Variants in HS6ST1 observed in about 807,000 individuals in gnomAD.
HS6ST1 encodes heparan sulfate 6-O-sulfotransferase 1.
In HS6ST1, 3 loss-of-function variants were observed where a neutral mutation model predicts 25.2. That is an observed-to-expected ratio of 0.12 (90% confidence interval 0.05 to 0.31). HS6ST1 has a LOEUF of 0.31. HS6ST1 is among the 10% of genes least tolerant of loss of function. HS6ST1 has a pLI of 1.00. For synonymous variants in HS6ST1, 204 were observed against 275.1 expected, an observed-to-expected ratio of 0.74 and a Z score of 2.56; for missense variants, 310 against 609.6, an observed-to-expected ratio of 0.51 and a Z score of 5.18.
In HS6ST1 at chr2:128,317,887, CG is replaced by C. The variant is rs965005292; in HGVS notation, c.527+149del. On this transcript the variant is annotated intron_variant, in intron 1 of 1. Coordinates refer to ENST00000259241, the MANE Select transcript of HS6ST1 (RefSeq NM_004807.3). ...AGAGGAGCTGGGAGCCTCGGGCGCT[CG>C]GCAGGTCGGGAGGGGTGCCGGCGAG... 1.5e-4 allele frequency: 140 copies of C among 917,410 alleles called. No individual in the cohort carries two copies. In the African/African-American group the frequency reaches 2.3e-3, roughly 15 times the overall value. 56.8% of individuals were successfully genotyped at this position (917,410 alleles called of 1,614,324 possible). A position where few individuals can be genotyped will look rare whatever the true frequency, so the allele number is the denominator to read the frequency against.
chr2:128,272,986 A>T (rs908215926), intron 1 of HS6ST1, among the ~76,000 whole-genome samples: 1 of 152,172 alleles, frequency 6.6e-6, no homozygotes, highest in African/African-American at 2.4e-5. Context: ...GAAAGCCCTC[A>T]TGGTCCCTGG....
chr2:128,286,268 A>C (rs143485584), intron 1 of HS6ST1, among the ~76,000 whole-genome samples: 1 of 152,312 alleles, frequency 6.6e-6, no homozygotes, highest in Non-Finnish European at 1.5e-5. Flanking sequence ...CCCAGGGGGA[A>C]TCTATCGTGG....
intron 1 of HS6ST1, among the ~76,000 whole-genome samples, chr2:128,296,379 A>G (rs1371347419): frequency 6.6e-6 from 1 of 152,242 alleles, no homozygotes; most frequent in Non-Finnish European, 1.5e-5. Context: ...GGTAAGAAAA[A>G]TAAGTAAAAG....
At chr2:128,311,825 G>A (rs1000598360) in intron 1 of HS6ST1, among the ~76,000 whole-genome samples, 8 of 152,222 alleles carry the variant, frequency 5.3e-5, no homozygotes, top group Non-Finnish European at 8.8e-5. Context: ...TCCCTGGGCC[G>A]GTGGTGGCAT....
chr2:128,276,667 AG>A lies in HS6ST1; in HGVS notation c.528-7798del, dbSNP rs1188346857. 2.0e-5 allele frequency among the ~76,000 whole-genome samples: 3 copies of A among 152,312 alleles called. No homozygotes were observed. In the East Asian group the frequency reaches 5.8e-4, roughly 29 times the overall value. On this transcript the variant is annotated intron_variant, in intron 1 of 1. Transcript: ENST00000259241. ...TTCGTGTGAATAAAAGTTTAAAGAA[AG>A]GAAGAAAGACAAATTGAGACTCTAG...
At chr2:128,308,116 T>C (rs988107360) in intron 1 of HS6ST1, among the ~76,000 whole-genome samples, 1 of 152,166 alleles carries the variant, frequency 6.6e-6, no homozygotes, top group African/African-American at 2.4e-5. Context: ...ATTTAAGGAA[T>C]ACACACATCT....
intron 1 of HS6ST1, among the ~76,000 whole-genome samples, chr2:128,310,257 C>T (rs539294325): frequency 9.8e-5 from 15 of 152,320 alleles, no homozygotes; most frequent in South Asian, 8.3e-4. Flanking sequence ...CAAGACCTCC[C>T]GAGGTGGCCC....
intron 1 of HS6ST1, among the ~76,000 whole-genome samples, chr2:128,273,746 C>T (rs538723623): frequency 2.6e-5 from 4 of 152,370 alleles, no homozygotes; most frequent in East Asian, 1.9e-4. Context: ...CGTTGCCAGA[C>T]GCATCTGCTG....
At chr2:128,273,878 GCTCT>G (rs1421804089) in intron 1 of HS6ST1, among the ~76,000 whole-genome samples, 2 of 152,230 alleles carry the variant, frequency 1.3e-5, no homozygotes, top group African/African-American at 4.8e-5. Context: ...GATCTAGGCA[GCTCT>G]CTGACATGTG....
At chr2:128,291,666 T>C (rs552905042) in intron 1 of HS6ST1, among the ~76,000 whole-genome samples, 2 of 152,284 alleles carry the variant, frequency 1.3e-5, no homozygotes, top group African/African-American at 4.8e-5. Context: ...GCTGTGTGCC[T>C]CACCTGGCCT....
chr2:128,274,312 CA>C (rs1454599842), intron 1 of HS6ST1, among the ~76,000 whole-genome samples: 1 of 151,396 alleles, frequency 6.6e-6, no homozygotes, highest in Non-Finnish European at 1.5e-5. Context: ...AGCATCTGGA[CA>C]AAAAAAACAA....
chr2:128,282,720 G>A (rs866101134), intron 1 of HS6ST1, among the ~76,000 whole-genome samples: 1 of 152,340 alleles, frequency 6.6e-6, no homozygotes, highest in Middle Eastern at 3.4e-3. Flanking sequence ...CCCACCAACC[G>A]GTGGAGGCCT....
At chr2:128,291,132 G>A (rs1400093156) in intron 1 of HS6ST1, among the ~76,000 whole-genome samples, 2 of 152,232 alleles carry the variant, frequency 1.3e-5, no homozygotes. Context: ...CATGTACTGG[G>A]GATCTCAGCT....
chr2:128,282,041 C>T (rs1573694813), intron 1 of HS6ST1, among the ~76,000 whole-genome samples: 1 of 152,214 alleles, frequency 6.6e-6, no homozygotes, highest in African/African-American at 2.4e-5. Context: ...AGCCTCCAGG[C>T]TGGAAGGGCA....
At chr2:128,273,747 G>A (rs1450252938) in intron 1 of HS6ST1, among the ~76,000 whole-genome samples, 1 of 152,222 alleles carries the variant, frequency 6.6e-6, no homozygotes, top group South Asian at 2.1e-4. Context: ...GTTGCCAGAC[G>A]CATCTGCTGT....
intron 1 of HS6ST1, among the ~76,000 whole-genome samples, chr2:128,282,476 A>G (rs1693802733): frequency 6.6e-6 from 1 of 152,120 alleles, no homozygotes; most frequent in Non-Finnish European, 1.5e-5. Flanking sequence ...GATGGTTGAA[A>G]ACGCTGCGGG....
chr2:128,311,052 C>T (rs1470838551), intron 1 of HS6ST1, among the ~76,000 whole-genome samples: 2 of 152,172 alleles, frequency 1.3e-5, no homozygotes, highest in Admixed American at 6.5e-5. Flanking sequence ...TTTTCCACTC[C>T]CTCAGGGCAC....
intron 1 of HS6ST1, among the ~76,000 whole-genome samples, chr2:128,314,321 A>G: frequency 6.6e-6 from 1 of 152,198 alleles, no homozygotes; most frequent in Non-Finnish European, 1.5e-5. Context: ...CCTGAGTCAC[A>G]GGGAAAGGGC....
intron 1 of HS6ST1, among the ~76,000 whole-genome samples, chr2:128,309,641 G>A (rs1329108689): frequency 6.6e-6 from 1 of 152,252 alleles, no homozygotes; most frequent in Non-Finnish European, 1.5e-5. Context: ...CAGACAATTA[G>A]TGATTTGCTC....
Sources: allele counts gnomAD v4.1 joint callset (sites outside exome capture counted in the v4.1 genomes callset), GRCh38; gene constraint gnomAD v4.1.1; transcripts MANE v1.5; gene names NCBI Gene and HGNC (gene_info 2026-07-23, HGNC 2026-07-21).